The following RAB11FIP3 variants were observed in gnomAD, a reference collection of about 807,000 sequenced individuals.
RAB11FIP3 encodes the protein rab11 family-interacting protein 3.
RAB11FIP3 carries 17 observed loss-of-function variants against 77.8 expected under a neutral mutation model. The observed-to-expected ratio is 0.22, with a 90% CI of 0.15 to 0.33. RAB11FIP3 has a LOEUF of 0.33. RAB11FIP3 is among the 10% of genes least tolerant of loss of function. The pLI is 1.00. For synonymous variants in RAB11FIP3, 437 were observed against 448.2 expected (o/e 0.98, Z 0.31); for missense variants, 1,005 against 1,011.2 (o/e 0.99, Z 0.08).
Position 461,483 on chromosome 16 carries a change from C to T in RAB11FIP3, c.794C>T (p.Ala265Val). The change falls in exon 2 of 14, where the codon GCC becomes GTC. Residue 265 changes from alanine (A) to valine (V), a missense_variant. Around this residue, in one of 4 missense-constraint regions of RAB11FIP3, gnomAD observed 466 missense variants for 408.3 expected, o/e 1.14. Transcript: ENST00000262305. This position sits in a 1 kb window ranked among gnomAD's most constrained non-coding sequence, Gnocchi z 4.5. ...SFEDFYQGIT[A>V]IRNGDPDGQC... Reference sequence around the variant, plus strand: ...GAAGACTTCTACCAAGGGATCACAGCCATCAGAAACGGAGGTCAGTCATCC... The same window carrying T: ...GAAGACTTCTACCAAGGGATCACAGTCATCAGAAACGGAGGTCAGTCATCC... The T allele has an allele frequency of 6.2e-7, 1 of 1,613,692 alleles. No homozygotes were observed. Among genetic ancestry groups the T allele is most frequent in the Non-Finnish European group, 8.5e-7 (1 of 1,179,866 alleles).
In RAB11FIP3 at chr16:521,024, G is replaced by C. The variant is rs2032663036; in HGVS notation, c.*185G>C. The C allele has an allele frequency of 3.3e-6, 2 of 611,996 alleles. No individual in the cohort carries two copies. The highest frequency in any genetic ancestry group is 3.9e-5 in the South Asian group (2 of 51,408). 37.9% of individuals were successfully genotyped at this position (611,996 alleles called of 1,614,324 possible). On this transcript the variant is annotated 3_prime_UTR_variant, in exon 14 of 14. Coordinates refer to ENST00000262305, the MANE Select transcript of RAB11FIP3 (RefSeq NM_014700.4). Reference sequence around the variant, plus strand: ...GCTGCCAAAGGGGCAGAGGGTGGTGGAGAGGAGAGGGAGAAAGGGAAGTCC... The same window carrying C: ...GCTGCCAAAGGGGCAGAGGGTGGTGCAGAGGAGAGGGAGAAAGGGAAGTCC...
intron 3 of RAB11FIP3, among the ~76,000 whole-genome samples, chr16:473,085 T>C (rs1355404220): frequency 1.3e-5 from 2 of 152,172 alleles, no homozygotes; most frequent in African/African-American, 4.8e-5. Context: ...GAGGATAAAC[T>C]GGTGTTTCTT....
intron 6 of RAB11FIP3, chr16:497,467 A>G (rs959054259): frequency 8.3e-7 from 1 of 1,206,864 alleles, no homozygotes; most frequent in Non-Finnish European, 1.1e-6. Context: ...TTGTGTCTTT[A>G]TCTGCTTTGC....
intron 2 of RAB11FIP3, among the ~76,000 whole-genome samples, chr16:465,711 G>T (rs2055690976): frequency 6.6e-6 from 1 of 152,104 alleles, no homozygotes; most frequent in African/African-American, 2.4e-5. Flanking sequence ...CCAGGTTCAA[G>T]CGATTCTCCT....
At chr16:518,053 G>T (rs2032499086) in intron 9 of RAB11FIP3, among the ~76,000 whole-genome samples, 1 of 152,224 alleles carries the variant, frequency 6.6e-6, no homozygotes. Context: ...CTGCACTCCA[G>T]CCTGGGCAAC....
intron 8 of RAB11FIP3, among the ~76,000 whole-genome samples, chr16:509,493 G>C (rs1338576930): frequency 6.6e-6 from 1 of 152,284 alleles, no homozygotes; most frequent in Non-Finnish European, 1.5e-5. Flanking sequence ...GGCTCTGTGC[G>C]AGGCAGGGCC....
intron 3 of RAB11FIP3, 97 bp from the exon 4 acceptor site, chr16:482,428 C>A (rs776372405): frequency 8.7e-7 from 1 of 1,151,906 alleles, no homozygotes; most frequent in Non-Finnish European, 1.3e-6. Context: ...CCTCCCTCCA[C>A]ACTGCCCTCT....
chr16:471,441 C>CTA lies in RAB11FIP3; in HGVS notation c.903+53_903+54insAT. ...GGGGAAGTCTGGCATCCACCTCTTC[C>CTA]TTTATGCCCTACAGCTCGTGCCTCC... On this transcript the variant is annotated intron_variant, in intron 3 of 13. Transcript: ENST00000262305. The surrounding 1 kb of genome is among the most constrained non-coding windows in gnomAD (Gnocchi z 4.4). 7.0e-7 allele frequency: 1 copy of CTA among 1,427,558 alleles called. No individual in the cohort carries two copies. The highest frequency in any genetic ancestry group is 9.7e-7 in the Non-Finnish European group (1 of 1,026,926). The allele number at this position is 1,427,558 out of a possible 1,614,324, so 88.4% of individuals were successfully genotyped here. A position where few individuals can be genotyped will look rare whatever the true frequency, so the allele number is the denominator to read the frequency against.
At chr16:451,229 G>C (rs994492068) in intron 1 of RAB11FIP3, among the ~76,000 whole-genome samples, 1 of 152,000 alleles carries the variant, frequency 6.6e-6, no homozygotes, top group African/African-American at 2.4e-5. Context: ...AAATAGTACA[G>C]AGTCCGTACT....
At chr16:433,373 C>G (rs1305585469) in intron 1 of RAB11FIP3, among the ~76,000 whole-genome samples, 2 of 149,842 alleles carry the variant, frequency 1.3e-5, no homozygotes, top group African/African-American at 4.9e-5. Flanking sequence ...CCTGATGCTT[C>G]CCAGCCTCTG....
At position 426,088 on chromosome 16, in the gene RAB11FIP3, G is replaced by C; in HGVS notation, c.82G>C (p.Gly28Arg). 1 of 1,004,056 alleles carries C rather than the reference G, an allele frequency of 1.0e-6. No individual in the cohort carries two copies. The highest frequency in any genetic ancestry group is 1.2e-6 in the Non-Finnish European group (1 of 843,846). The allele number at this position is 1,004,056 out of a possible 1,614,324, so 62.2% of individuals were successfully genotyped here. ...GGAGCCGGGCGGGCCGGACGGGCCG[G>C]GGGCGGCACAACTGGCTCCGGGCCC... ...DPEPGGPDGP[G>R]AAQLAPGPAE... The change falls in exon 1 of 14, where the codon GGG (glycine) becomes CGG (arginine). Residue 28 changes from glycine (G) to arginine (R), a missense_variant. Transcript: ENST00000262305. The surrounding 1 kb of genome is among the most constrained non-coding windows in gnomAD (Gnocchi z 5.0).
chr16:461,210 G>T lies in RAB11FIP3; in HGVS notation c.715-194G>T, dbSNP rs1410944539. The stretch of plus-strand genomic sequence containing the variant: ...ATGCGGAGCACACAGTAGGCTTTGC[G>T]CTCCTGTGAGAAGAACCTGATGCTC... On this transcript the variant is annotated intron_variant, in intron 1 of 13. Coordinates refer to ENST00000262305, the MANE Select transcript of RAB11FIP3 (RefSeq NM_014700.4). This position sits in a 1 kb window ranked among gnomAD's most constrained non-coding sequence, Gnocchi z 4.5. Among the ~76,000 whole-genome samples, 1 of 152,136 alleles carries T rather than the reference G, an allele frequency of 6.6e-6. No individual in the cohort carries two copies. The highest frequency in any genetic ancestry group is 1.9e-4 in the East Asian group (1 of 5,188).
chr16:458,368 C>T (rs936241831), intron 1 of RAB11FIP3, among the ~76,000 whole-genome samples: 12 of 151,146 alleles, frequency 7.9e-5, no homozygotes, highest in South Asian at 6.2e-4. Flanking sequence ...GTAGCAGCCC[C>T]GGCATCTGGA....
In RAB11FIP3 at chr16:461,570, A is replaced by C; in HGVS notation, c.808+73A>C. ...CCACCCTCTCAGCCACCTGCACATC[A>C]CCAGGCTCCTCGTGCTGACTCTAAC... is the stretch of plus-strand genomic sequence containing the variant. On this transcript the variant is annotated intron_variant, in intron 2 of 13. Transcript: ENST00000262305. The surrounding 1 kb of genome is among the most constrained non-coding windows in gnomAD (Gnocchi z 4.5). 7.9e-7 allele frequency: 1 copy of C among 1,258,242 alleles called. No homozygotes were observed. Among genetic ancestry groups the C allele is most frequent in the African/African-American group, 1.5e-5 (1 of 67,556 alleles). 77.9% of individuals were successfully genotyped at this position (1,258,242 alleles called of 1,614,324 possible).
intron 5 of RAB11FIP3, among the ~76,000 whole-genome samples, chr16:494,794 C>T (rs113406195): frequency 0.017 from 2,407 of 142,318 alleles, 2 homozygotes; most frequent in African/African-American, 0.042. Flanking sequence ...CCGGGGAGGT[C>T]GAGGCTGCAG....
rs1027353885 is a variant in RAB11FIP3 at position 477,753 on chromosome 16, C to G, written c.904-4772C>G. On this transcript the variant is annotated intron_variant, in intron 3 of 13. Coordinates refer to ENST00000262305, the MANE Select transcript of RAB11FIP3 (RefSeq NM_014700.4). ...GGAATGACTTAGTTTTTATGAATTA[C>G]TTCCTTAGATTGTAGGGGAGATTAT... is the stretch of plus-strand genomic sequence containing the variant. 6 of 821,922 alleles carry G rather than the reference C, an allele frequency of 7.3e-6. No individual in the cohort carries two copies. The African/African-American group carries it at 7.4e-5, about 10-fold the overall frequency. 50.9% of individuals were successfully genotyped at this position (821,922 alleles called of 1,614,324 possible). A position where few individuals can be genotyped will look rare whatever the true frequency, so the allele number is the denominator to read the frequency against.
intron 9 of RAB11FIP3, among the ~76,000 whole-genome samples, chr16:512,653 G>A (rs550346220): frequency 2.8e-5 from 4 of 145,310 alleles, no homozygotes; most frequent in African/African-American, 1.0e-4. Context: ...AAGCAATTCT[G>A]TTGCCTCAGC....
chr16:498,572 T>C (rs2031305695), intron 6 of RAB11FIP3, among the ~76,000 whole-genome samples: 1 of 152,168 alleles, frequency 6.6e-6, no homozygotes, highest in African/African-American at 2.4e-5. Context: ...TGAAGTGACA[T>C]CATCACAGCT....
chr16:491,307 G>C, intron 5 of RAB11FIP3: 1 of 1,289,158 alleles, frequency 7.8e-7, no homozygotes, highest in South Asian at 1.2e-5. Context: ...CTGTTCCCAG[G>C]GTGTGGGGGA....
Sources: gnomAD v4.1 joint callset for allele counts (sites outside exome capture counted in the v4.1 genomes callset) on GRCh38, gnomAD v4.1.1 for gene constraint, gnomAD v4.1.1 regional missense constraint, Gnocchi (gnomAD v3.1) non-coding constraint, MANE v1.5 for transcripts, NCBI Gene and HGNC (gene_info 2026-07-23, HGNC 2026-07-21) for gene names.